The following RARB variants were observed in gnomAD, a reference collection of about 807,000 sequenced individuals.
RARB encodes retinoic acid receptor beta, also known as HBV-activated protein.
RARB carries 17 observed loss-of-function variants against 51.9 expected under a neutral mutation model. That is an observed-to-expected ratio of 0.33 (90% confidence interval 0.22 to 0.49). The LOEUF (loss-of-function observed/expected upper bound fraction) is 0.49. RARB is among the 20% of genes least tolerant of loss of function. The pLI, the probability that RARB is intolerant of heterozygous loss-of-function variation, is 0.99. For synonymous variants in RARB, 215 were observed against 195.4 expected, an observed-to-expected ratio of 1.10 and a Z score of -0.84; for missense variants, 369 against 550.8, an observed-to-expected ratio of 0.67 and a Z score of 3.30.
chr3:25,586,692 T>C (rs1279868967), intron 5 of RARB, among the ~76,000 whole-genome samples: 18 of 152,192 alleles, frequency 1.2e-4, no homozygotes, highest in Admixed American at 1.2e-3. Context: ...ATGTGATTTG[T>C]GGCTCCTTGA....
intron 5 of RARB, among the ~76,000 whole-genome samples, chr3:25,374,006 A>G (rs1706382269): frequency 6.6e-6 from 1 of 152,218 alleles, no homozygotes; most frequent in African/African-American, 2.4e-5. Flanking sequence ...TCATGATTAC[A>G]TAAAATCCCT....
intron 3 of RARB, among the ~76,000 whole-genome samples, chr3:25,544,399 G>C (rs1699522115): frequency 6.6e-6 from 1 of 152,024 alleles, no homozygotes; most frequent in Non-Finnish European, 1.5e-5. Flanking sequence ...CTTTTCCCTG[G>C]TACTAATAAG....
intron 5 of RARB, among the ~76,000 whole-genome samples, chr3:25,279,500 AG>A (rs1348534163): frequency 2.0e-5 from 3 of 152,288 alleles, no homozygotes; most frequent in South Asian, 4.2e-4. Context: ...GATTGAGAAA[AG>A]TTCTTAAGGG....
At chr3:24,920,871 A>T (rs1389846745) in intron 2 of RARB, among the ~76,000 whole-genome samples, 1 of 152,186 alleles carries the variant, frequency 6.6e-6, no homozygotes, top group Non-Finnish European at 1.5e-5. Context: ...AACCAGAGTG[A>T]GACAGTTCTA....
At chr3:25,186,748 A>G (rs1348547008) in intron 5 of RARB, among the ~76,000 whole-genome samples, 7 of 152,160 alleles carry the variant, frequency 4.6e-5, no homozygotes, top group Middle Eastern at 3.4e-3. Context: ...TTTTTTCCTC[A>G]CCCATCTCTA....
chr3:25,203,853 C>T (rs770623280), intron 5 of RARB, among the ~76,000 whole-genome samples: 56 of 152,202 alleles, frequency 3.7e-4, no homozygotes, highest in Non-Finnish European at 4.7e-4. Flanking sequence ...TTCTCTCTGT[C>T]TGCCCTTAAC....
rs373316878 is a variant in RARB at position 24,844,034 on chromosome 3, A to G, written c.-459+14631A>G. Reference sequence around the variant, plus strand: ...AGGGCTTGGCACAAGTAGATCCTCAATAAATGTTTATTGAGTGAAATAAAA... The same window carrying G: ...AGGGCTTGGCACAAGTAGATCCTCAGTAAATGTTTATTGAGTGAAATAAAA... On this transcript the variant is annotated intron_variant, in intron 1 of 11. Coordinates refer to the RARB transcript ENST00000383772. 3.3e-5 allele frequency among the ~76,000 whole-genome samples: 5 copies of G among 152,150 alleles called. No individual in the cohort carries two copies. In the East Asian group the frequency reaches 7.7e-4, roughly 23 times the overall value.
intron 5 of RARB, among the ~76,000 whole-genome samples, chr3:25,389,733 G>A (rs1019118533): frequency 6.6e-6 from 1 of 152,192 alleles, no homozygotes; most frequent in African/African-American, 2.4e-5. Context: ...TAGAATGTAT[G>A]AATATCTGCT....
intron 5 of RARB, among the ~76,000 whole-genome samples, chr3:25,372,865 T>C (rs1706343588): frequency 1.3e-5 from 2 of 152,140 alleles, no homozygotes; most frequent in Admixed American, 1.3e-4. Context: ...TAAAAAATTT[T>C]TTTTAAAGAG....
Position 25,232,032 on chromosome 3 carries a change from C to T in RARB, c.178+57457C>T, listed in dbSNP as rs76018088. On this transcript the variant is annotated intron_variant, in intron 5 of 11. Transcript: ENST00000383772. ...AAAGTTTTATGCTTAATATTTAGAT[C>T]TATGAGGTATTGTTTGAGATTCTTT... Among the ~76,000 whole-genome samples the T allele has an allele frequency of 6.6e-5, 10 of 151,942 alleles. No homozygotes were observed. In the East Asian group the frequency reaches 1.7e-3, roughly 26 times the overall value.
At chr3:24,903,289 G>A (rs1559389290) in intron 2 of RARB, among the ~76,000 whole-genome samples, 1 of 151,984 alleles carries the variant, frequency 6.6e-6, no homozygotes, top group Non-Finnish European at 1.5e-5. Context: ...ATGACATTAA[G>A]ACAAACTTCT....
At chr3:25,248,095 C>T in intron 5 of RARB, among the ~76,000 whole-genome samples, 1 of 152,118 alleles carries the variant, frequency 6.6e-6, no homozygotes, top group Non-Finnish European at 1.5e-5. Context: ...TTTATTTCCT[C>T]TTGCTGGACT....
intron 2 of RARB, among the ~76,000 whole-genome samples, chr3:24,995,615 G>A (rs1195830411): frequency 6.6e-6 from 1 of 151,916 alleles, no homozygotes; most frequent in Admixed American, 6.6e-5. Context: ...TGTCATATAT[G>A]GGCTTTATCA....
intron 2 of RARB, among the ~76,000 whole-genome samples, chr3:24,957,156 G>A (rs1337835566): frequency 6.6e-6 from 1 of 152,124 alleles, no homozygotes; most frequent in East Asian, 1.9e-4. Context: ...CAGGGCTAAT[G>A]AGTGCCTCAC....
intron 3 of RARB, among the ~76,000 whole-genome samples, chr3:25,546,370 A>G (rs1699617103): frequency 6.6e-6 from 1 of 152,192 alleles, no homozygotes; most frequent in African/African-American, 2.4e-5. Context: ...AGGGCAGGGC[A>G]GAGGCAGAGA....
intron 5 of RARB, among the ~76,000 whole-genome samples, chr3:25,293,707 G>A (rs769269609): frequency 1.6e-4 from 24 of 149,630 alleles, no homozygotes; most frequent in African/African-American, 3.2e-4. Flanking sequence ...CTTTGCTTTC[G>A]TCTGATTAAA....
At chr3:25,317,402 C>T (rs917026734) in intron 5 of RARB, among the ~76,000 whole-genome samples, 4 of 152,162 alleles carry the variant, frequency 2.6e-5, no homozygotes, top group Non-Finnish European at 5.9e-5. Context: ...AGTTCTGGGT[C>T]ATGCTATCTC....
intron 5 of RARB, among the ~76,000 whole-genome samples, chr3:25,410,631 G>A (rs930268674): frequency 2.0e-5 from 3 of 152,180 alleles, no homozygotes; most frequent in African/African-American, 7.2e-5. Context: ...AAACACGGGG[G>A]TGTCTAAGCA....
At chr3:25,391,176 TTAGAG>T (rs1177324146) in intron 5 of RARB, among the ~76,000 whole-genome samples, 6 of 152,208 alleles carry the variant, frequency 3.9e-5, no homozygotes, top group African/African-American at 1.4e-4. Context: ...GTGACTTCAC[TTAGAG>T]TAATGGTCTC....
Sources: allele counts gnomAD v4.1 joint callset (sites outside exome capture counted in the v4.1 genomes callset), GRCh38; gene constraint gnomAD v4.1.1; transcripts MANE v1.5; gene names NCBI Gene and HGNC (gene_info 2026-07-23, HGNC 2026-07-21).